Variants in PBX3 observed in about 807,000 individuals in gnomAD.
The protein encoded by PBX3 is PBX homeobox 3, also known as pre-B-cell leukemia transcription factor 3.
Under a neutral mutation model 48.5 loss-of-function variants are expected in PBX3, and 14 were observed. The ratio of observed to expected loss-of-function variants is 0.29; its 90% CI spans 0.19 to 0.45. The LOEUF is 0.45. Among genes scored for constraint, PBX3 ranks in the 20% least tolerant of loss-of-function variants. The probability of loss-of-function intolerance (pLI) is 1.00; values close to 1 mark genes in which losing one functional copy is unlikely to be tolerated. For synonymous variants in PBX3, 210 were observed against 200.3 expected (o/e 1.05, Z -0.41); for missense variants, 386 against 546.7 (o/e 0.71, Z 2.93).
At chr9:125,933,527 A>C (rs1276685226) in intron 4 of PBX3, among the ~76,000 whole-genome samples, 1 of 152,172 alleles carries the variant, frequency 6.6e-6, no homozygotes, top group Non-Finnish European at 1.5e-5. Flanking sequence ...TATTTCCCAA[A>C]GAAATGCACT....
chr9:125,793,534 AT>A, intron 2 of PBX3, among the ~76,000 whole-genome samples: 1 of 151,480 alleles, frequency 6.6e-6, no homozygotes, highest in African/African-American at 2.4e-5. Context: ...GGTTCAAGCA[AT>A]TCTCCTGCAT....
intron 2 of PBX3, among the ~76,000 whole-genome samples, chr9:125,769,272 T>C (rs1161772192): frequency 1.3e-5 from 2 of 152,212 alleles, no homozygotes; most frequent in East Asian, 3.8e-4. Flanking sequence ...ACCTTTGCTT[T>C]GTGCACCATC....
chr9:125,801,523 T>A (rs953520597), intron 2 of PBX3, among the ~76,000 whole-genome samples: 2 of 152,206 alleles, frequency 1.3e-5, no homozygotes, highest in East Asian at 3.8e-4. Context: ...TTTCCATTAT[T>A]AACCAAAGAC....
intron 2 of PBX3, among the ~76,000 whole-genome samples, chr9:125,838,726 A>G (rs137920032): frequency 2.0e-5 from 3 of 152,352 alleles, no homozygotes; most frequent in Non-Finnish European, 2.9e-5. Flanking sequence ...TAGATAGATA[A>G]CACTAGCTCT....
intron 2 of PBX3, among the ~76,000 whole-genome samples, chr9:125,825,188 G>A: frequency 6.6e-6 from 1 of 152,260 alleles, no homozygotes; most frequent in African/African-American, 2.4e-5. Flanking sequence ...GGAGGCTGAG[G>A]TGGGAGGATA....
At chr9:125,822,187 G>A (rs1737677732) in intron 2 of PBX3, among the ~76,000 whole-genome samples, 2 of 152,084 alleles carry the variant, frequency 1.3e-5, no homozygotes, top group Non-Finnish European at 2.9e-5. Context: ...TTAAAGGTGG[G>A]TAGTAAATGG....
intron 2 of PBX3, among the ~76,000 whole-genome samples, chr9:125,824,968 C>G (rs896663588): frequency 3.3e-5 from 5 of 152,102 alleles, no homozygotes; most frequent in Non-Finnish European, 7.4e-5. Flanking sequence ...GGATCTCTTT[C>G]CATACCACAT....
chr9:125,913,437 G>C (rs756208194), intron 2 of PBX3, among the ~76,000 whole-genome samples: 5 of 151,986 alleles, frequency 3.3e-5, no homozygotes, highest in African/African-American at 4.8e-5. Flanking sequence ...TGAGCTTATG[G>C]ATTGCTTCTT....
At chr9:125,930,548 A>G (rs3983832) in intron 4 of PBX3, among the ~76,000 whole-genome samples, 152,210 of 152,390 alleles carry the variant, frequency 1, 76,015 homozygotes, top group Middle Eastern at 1. Flanking sequence ...CTTTGGAAAG[A>G]AGTTTCTATT....
chr9:125,757,460 T>C (rs1446445786), intron 2 of PBX3, among the ~76,000 whole-genome samples: 1 of 152,190 alleles, frequency 6.6e-6, no homozygotes, highest in Non-Finnish European at 1.5e-5. Flanking sequence ...CAGACATTAC[T>C]CTGTAGTTGG....
chr9:125,780,522 C>T (rs1837243619), intron 2 of PBX3, among the ~76,000 whole-genome samples: 1 of 144,076 alleles, frequency 6.9e-6, no homozygotes, highest in Non-Finnish European at 1.5e-5. Flanking sequence ...GGGCTAACTC[C>T]CCCACCTCCC....
intron 2 of PBX3, among the ~76,000 whole-genome samples, chr9:125,891,516 A>G (rs1840641926): frequency 6.6e-6 from 1 of 152,258 alleles, no homozygotes; most frequent in South Asian, 2.1e-4. Flanking sequence ...GTATGGATGT[A>G]CAAAAGATTG....
intron 2 of PBX3, among the ~76,000 whole-genome samples, chr9:125,804,188 G>C (rs1430406827): frequency 6.6e-6 from 1 of 152,190 alleles, no homozygotes; most frequent in Non-Finnish European, 1.5e-5. Flanking sequence ...ATCAGTGGTA[G>C]GGTTTATAAA....
intron 2 of PBX3, among the ~76,000 whole-genome samples, chr9:125,852,867 T>C (rs1254956983): frequency 6.6e-6 from 1 of 152,168 alleles, no homozygotes; most frequent in Non-Finnish European, 1.5e-5. Flanking sequence ...AACTTGTAAA[T>C]GCAAATAGTA....
At chr9:125,897,046 A>G (rs1261389482) in intron 2 of PBX3, among the ~76,000 whole-genome samples, 1 of 151,724 alleles carries the variant, frequency 6.6e-6, no homozygotes, top group Admixed American at 6.6e-5. Flanking sequence ...ATATATCTAA[A>G]TGCTATTGAC....
At chr9:125,827,433 A>G (rs1025617114) in intron 2 of PBX3, among the ~76,000 whole-genome samples, 3 of 152,070 alleles carry the variant, frequency 2.0e-5, no homozygotes, top group Admixed American at 1.3e-4. Context: ...ATTAGTACCT[A>G]TTTATCTTAT....
In PBX3 at chr9:125,901,899, A is replaced by G. The variant is rs1840953766; in HGVS notation, c.275-13787A>G. ...GTTCTCCAGATCAAGTGTGAAAAGT[A>G]GCTACCTGATCTGACAGGACCTTGC... On this transcript the variant is annotated intron_variant, in intron 2 of 8. Coordinates refer to ENST00000373489, the MANE Select transcript of PBX3 (RefSeq NM_006195.6). Among the ~76,000 whole-genome samples, 4 of 151,724 alleles carry G rather than the reference A, an allele frequency of 2.6e-5. No homozygotes were observed. The Admixed American group carries it at 2.6e-4, about 10-fold the overall frequency.
chr9:125,911,036 T>A (rs940216444), intron 2 of PBX3, among the ~76,000 whole-genome samples: 3 of 152,100 alleles, frequency 2.0e-5, no homozygotes, highest in Non-Finnish European at 4.4e-5. Context: ...GTCCACCCAC[T>A]GTTTAACTGA....
intron 3 of PBX3, among the ~76,000 whole-genome samples, chr9:125,924,825 T>C (rs531470829): frequency 3.3e-5 from 5 of 152,378 alleles, no homozygotes; most frequent in African/African-American, 4.8e-5. Context: ...AATTTTTTAA[T>C]TGGCATAATT....
Sources: allele counts gnomAD v4.1 joint callset (sites outside exome capture counted in the v4.1 genomes callset), GRCh38; gene constraint gnomAD v4.1.1; transcripts MANE v1.5; gene names NCBI Gene and HGNC (gene_info 2026-07-23, HGNC 2026-07-21).